FGGY: variants seen among roughly 807,000 people sequenced by gnomAD.
FGGY encodes FGGY carbohydrate kinase domain containing.
FGGY carries 72 observed loss-of-function variants against 71.3 expected under a neutral mutation model. The ratio of observed to expected loss-of-function variants is 1.01; its 90% confidence interval spans 0.84 to 1.23. The LOEUF (loss-of-function observed/expected upper bound fraction) is 1.23. Among genes scored for constraint, FGGY ranks in the 50% most tolerant of loss-of-function variants. FGGY has a pLI of 0.00. For synonymous variants in FGGY, 251 were observed against 250.3 expected, an observed-to-expected ratio of 1.00 and a Z score of -0.02; for missense variants, 668 against 682.3, an observed-to-expected ratio of 0.98 and a Z score of 0.23.
chr1:59,564,318 A>T (rs2095842221), intron 8 of FGGY, among the ~76,000 whole-genome samples: 1 of 152,240 alleles, frequency 6.6e-6, no homozygotes. Context: ...AATCAGTTAG[A>T]GAGCCTCTGG....
chr1:59,582,954 A>T (rs1020914439), intron 8 of FGGY, among the ~76,000 whole-genome samples: 1 of 148,140 alleles, frequency 6.8e-6, no homozygotes, highest in Non-Finnish European at 1.5e-5. Flanking sequence ...ATGCTTGAGG[A>T]TCCAAAGGAG....
At chr1:59,308,901 C>T (rs1313513560) in intron 1 of FGGY, among the ~76,000 whole-genome samples, 1 of 152,002 alleles carries the variant, frequency 6.6e-6, no homozygotes. Flanking sequence ...CTTTTTTTCT[C>T]ATTCAACAGC....
chr1:59,456,907 A>G (rs1039411012), intron 5 of FGGY, 54 bp from the exon 6 acceptor site: 2 of 1,337,968 alleles, frequency 1.5e-6, no homozygotes, highest in African/African-American at 2.9e-5. Context: ...GCAAAATATA[A>G]AGGAAGCCTC....
intron 6 of FGGY, among the ~76,000 whole-genome samples, chr1:59,501,802 C>T (rs2094232764): frequency 6.6e-6 from 1 of 152,162 alleles, no homozygotes; most frequent in Non-Finnish European, 1.5e-5. Flanking sequence ...TTCACAGGTT[C>T]TGCAGTTTGC....
intron 6 of FGGY, among the ~76,000 whole-genome samples, chr1:59,460,988 T>C (rs1341210502): frequency 1.3e-5 from 2 of 152,042 alleles, no homozygotes; most frequent in Admixed American, 1.3e-4. Context: ...AGCTGAAAAT[T>C]CTAAAAACCA....
chr1:59,581,041 T>G (rs2096184835), intron 8 of FGGY, among the ~76,000 whole-genome samples: 1 of 151,984 alleles, frequency 6.6e-6, no homozygotes, highest in Non-Finnish European at 1.5e-5. Flanking sequence ...GAAATGACAC[T>G]GGCTGTTGAG....
At chr1:59,558,559 G>C (rs1370495801) in intron 8 of FGGY, among the ~76,000 whole-genome samples, 3 of 152,132 alleles carry the variant, frequency 2.0e-5, no homozygotes, top group African/African-American at 7.2e-5. Context: ...GCAAAAAGGA[G>C]AACAGAGATC....
chr1:59,447,716 T>C (rs2071624789), intron 5 of FGGY, among the ~76,000 whole-genome samples: 1 of 152,228 alleles, frequency 6.6e-6, no homozygotes, highest in African/African-American at 2.4e-5. Flanking sequence ...CCTCCTCTCT[T>C]GTCTGCTGCC....
In FGGY at chr1:59,443,317, A is replaced by G. The variant is rs79190546; in HGVS notation, c.555-13644A>G. ...TAGCCAAAAAGAATTGAAATGCACT[A>G]GGCCAATTGGCAGACACTATTTCAG... On this transcript the variant is annotated intron_variant, in intron 5 of 15. Transcript: ENST00000303721. 7.2e-3 allele frequency among the ~76,000 whole-genome samples: 1,095 copies of G among 152,310 alleles called. 16 individuals are homozygous for G. Among genetic ancestry groups the G allele is most frequent in the African/African-American group, 0.025 (1,046 of 41,578 alleles).
At chr1:59,627,096 G>T (rs2096864171) in intron 10 of FGGY, among the ~76,000 whole-genome samples, 1 of 152,016 alleles carries the variant, frequency 6.6e-6, no homozygotes, top group East Asian at 1.9e-4. Context: ...GTGTATGTTG[G>T]CATGGGCAAA....
chr1:59,607,215 G>A (rs373738165), intron 8 of FGGY, among the ~76,000 whole-genome samples: 2 of 152,156 alleles, frequency 1.3e-5, no homozygotes, highest in African/African-American at 2.4e-5. Context: ...TCATATATGT[G>A]GGACATCACC....
At position 59,473,260 on chromosome 1, in the gene FGGY, A is replaced by G. The variant is rs2093073873; in HGVS notation, c.670+16184A>G. On this transcript the variant is annotated intron_variant, in intron 6 of 15. Transcript: ENST00000303721. ...ACGAACCCACCGGGAGGAACGAACA[A>G]CTCCAGACGCGCCGGCTTAAGAGCT... is the stretch of plus-strand genomic sequence containing the variant. 2.0e-5 allele frequency among the ~76,000 whole-genome samples: 3 copies of G among 148,796 alleles called. No homozygotes were observed. In the South Asian group the frequency reaches 6.5e-4, roughly 32 times the overall value.
chr1:59,660,397 T>A, intron 12 of FGGY, 104 bp downstream of exon 12: 1 of 813,082 alleles, frequency 1.2e-6, no homozygotes, highest in Middle Eastern at 2.4e-4. Flanking sequence ...CAGAGATTCT[T>A]AATTAAAAGA....
At chr1:59,605,704 G>A (rs1376123522) in intron 8 of FGGY, among the ~76,000 whole-genome samples, 1 of 151,868 alleles carries the variant, frequency 6.6e-6, no homozygotes, top group Non-Finnish European at 1.5e-5. Flanking sequence ...CCATTTTGTG[G>A]TTGGAAATCC....
intron 9 of FGGY, among the ~76,000 whole-genome samples, chr1:59,613,803 T>A (rs1366576886): frequency 6.6e-6 from 1 of 152,066 alleles, no homozygotes; most frequent in Non-Finnish European, 1.5e-5. Context: ...CAATAAAAAA[T>A]GATAAAGGGG....
At chr1:59,632,660 C>T (rs948474656) in intron 10 of FGGY, among the ~76,000 whole-genome samples, 4 of 152,200 alleles carry the variant, frequency 2.6e-5, no homozygotes, top group African/African-American at 4.8e-5. Flanking sequence ...AATAGTTTCA[C>T]GTATATTATC....
At chr1:59,475,544 A>G (rs547261850) in intron 6 of FGGY, among the ~76,000 whole-genome samples, 605 of 152,334 alleles carry the variant, frequency 4.0e-3, no homozygotes, top group African/African-American at 0.014. Context: ...TGGGGAAGCC[A>G]GGATTGATGA....
chr1:59,576,610 T>C (rs954970256), intron 8 of FGGY, among the ~76,000 whole-genome samples: 3 of 151,628 alleles, frequency 2.0e-5, no homozygotes, highest in African/African-American at 7.3e-5. Context: ...TTAGAGGGAA[T>C]GTATATAAAA....
intron 14 of FGGY, among the ~76,000 whole-genome samples, chr1:59,696,796 T>C (rs560280631): frequency 1.3e-5 from 2 of 152,290 alleles, no homozygotes; most frequent in African/African-American, 4.8e-5. Context: ...TAGACACTAT[T>C]AGCATTTGGA....
Sources: gnomAD v4.1 joint callset for allele counts (sites outside exome capture counted in the v4.1 genomes callset) on GRCh38, gnomAD v4.1.1 for gene constraint, MANE v1.5 for transcripts, NCBI Gene and HGNC (gene_info 2026-07-23, HGNC 2026-07-21) for gene names.